Variants in ADCY8 observed in about 807,000 individuals in gnomAD.
ADCY8 encodes adenylate cyclase 8.
In ADCY8, 51 loss-of-function variants were observed where a neutral mutation model predicts 119.7. The ratio of observed to expected loss-of-function variants is 0.43; its 90% CI spans 0.34 to 0.54. The LOEUF is 0.54. Ranked by LOEUF, ADCY8 falls within the 20% of genes least tolerant of loss-of-function variation. The pLI, the probability that ADCY8 is intolerant of heterozygous loss-of-function variation, is 0.03. For synonymous variants in ADCY8, 665 were observed against 651.0 expected (o/e 1.02, Z -0.33); for missense variants, 1,383 against 1,598.8 (o/e 0.87, Z 2.30).
intron 5 of ADCY8, among the ~76,000 whole-genome samples, chr8:130,931,226 G>T (rs538539425): frequency 2.1e-4 from 32 of 152,132 alleles, no homozygotes; most frequent in Non-Finnish European, 4.3e-4. Context: ...TGTCTGGCAG[G>T]TTTCTCATTT....
At chr8:130,948,129 C>A (rs1409661176) in intron 3 of ADCY8, among the ~76,000 whole-genome samples, 1 of 152,172 alleles carries the variant, frequency 6.6e-6, no homozygotes, top group Non-Finnish European at 1.5e-5. Flanking sequence ...AGCCTTTGTT[C>A]CTGAATCACC....
At chr8:130,871,615 T>C (rs1239990494) in intron 8 of ADCY8, among the ~76,000 whole-genome samples, 1 of 152,228 alleles carries the variant, frequency 6.6e-6, no homozygotes, top group Admixed American at 6.5e-5. Flanking sequence ...TATGTGAAGC[T>C]TGCCTTTTCA....
At chr8:131,017,912 T>A (rs1317299259) in intron 1 of ADCY8, among the ~76,000 whole-genome samples, 1 of 152,210 alleles carries the variant, frequency 6.6e-6, no homozygotes, top group African/African-American at 2.4e-5. Context: ...GGACCCTTGT[T>A]TCCTTATCTG....
At chr8:130,788,639 T>C (rs1437986281) in intron 15 of ADCY8, among the ~76,000 whole-genome samples, 1 of 152,226 alleles carries the variant, frequency 6.6e-6, no homozygotes, top group Non-Finnish European at 1.5e-5. Flanking sequence ...TTAAATTTTC[T>C]TATCACAAAT....
chr8:130,962,897 T>G (rs1166553940), intron 2 of ADCY8, among the ~76,000 whole-genome samples: 1 of 152,226 alleles, frequency 6.6e-6, no homozygotes, highest in Admixed American at 6.5e-5. Flanking sequence ...AAAAAATATC[T>G]TATTGTTGTT....
chr8:130,859,233 C>G (rs988357168), intron 9 of ADCY8, among the ~76,000 whole-genome samples: 1 of 152,172 alleles, frequency 6.6e-6, no homozygotes, highest in African/African-American at 2.4e-5. Flanking sequence ...CCATCTCTAT[C>G]TATATTAAGC....
chr8:130,975,720 TG>T (rs1822051211), intron 2 of ADCY8, among the ~76,000 whole-genome samples: 1 of 152,236 alleles, frequency 6.6e-6, no homozygotes, highest in South Asian at 2.1e-4. Context: ...GATGCAAAGC[TG>T]GTGTTCCAAA....
intron 8 of ADCY8, among the ~76,000 whole-genome samples, chr8:130,872,949 T>G (rs1405616222): frequency 6.6e-6 from 1 of 152,232 alleles, no homozygotes; most frequent in Non-Finnish European, 1.5e-5. Context: ...TTGAAAGACA[T>G]ATTCAGAAAT....
At chr8:130,974,974 C>T (rs774673135) in intron 2 of ADCY8, among the ~76,000 whole-genome samples, 1 of 152,146 alleles carries the variant, frequency 6.6e-6, no homozygotes, top group Non-Finnish European at 1.5e-5. Flanking sequence ...CTGGAGCTAA[C>T]AGCAGTGGCA....
At chr8:130,932,245 G>C (rs539198840) in intron 5 of ADCY8, among the ~76,000 whole-genome samples, 2 of 152,296 alleles carry the variant, frequency 1.3e-5, no homozygotes, top group East Asian at 3.9e-4. Context: ...ATTGCTAAGG[G>C]ATGTCCAGAG....
chr8:130,927,098 T>G (rs1218502481), intron 5 of ADCY8, among the ~76,000 whole-genome samples: 1 of 152,190 alleles, frequency 6.6e-6, no homozygotes, highest in Admixed American at 6.5e-5. Flanking sequence ...TTCATTTCCT[T>G]TGCATAACTA....
At chr8:130,924,129 C>T (rs1306544617) in intron 5 of ADCY8, among the ~76,000 whole-genome samples, 1 of 152,190 alleles carries the variant, frequency 6.6e-6, no homozygotes, top group Non-Finnish European at 1.5e-5. Flanking sequence ...GCTTTGAAGT[C>T]AGATGATTCC....
chr8:130,795,670 T>C (rs1815558495), intron 15 of ADCY8, among the ~76,000 whole-genome samples: 1 of 152,188 alleles, frequency 6.6e-6, no homozygotes, highest in Admixed American at 6.5e-5. Flanking sequence ...ACAGACTCTC[T>C]TGTTTCAGGC....
intron 5 of ADCY8, 132 bp from the exon 6 acceptor site, chr8:130,909,998 A>G (rs1586562106): frequency 1.3e-6 from 1 of 785,912 alleles, no homozygotes. Flanking sequence ...AGTGCAATGG[A>G]GCTGCAACCT....
rs539683409 is a variant in ADCY8, at chr8:130,908,137, C to T, written c.1640+1571G>A. Among the ~76,000 whole-genome samples the T allele has an allele frequency of 1.2e-3, 189 of 152,292 alleles. 1 individual carries two copies. Among genetic ancestry groups the T allele is most frequent in the Middle Eastern group, 3.4e-3 (1 of 294 alleles). On this transcript the variant is annotated intron_variant, in intron 6 of 17. Coordinates refer to ENST00000286355, the MANE Select transcript of ADCY8 (RefSeq NM_001115.3). ...TGCTGATTTAAACTTGGTCACTCTT[C>T]TGTTTCTTAATGTTATTGAGAACAA...
At chr8:131,004,861 A>G (rs1043679559) in intron 1 of ADCY8, among the ~76,000 whole-genome samples, 4 of 152,120 alleles carry the variant, frequency 2.6e-5, no homozygotes, top group African/African-American at 9.7e-5. Flanking sequence ...GTTGAAGGGA[A>G]GTGCACTTCT....
At chr8:130,880,419 A>G (rs1479355257) in intron 8 of ADCY8, among the ~76,000 whole-genome samples, 1 of 152,198 alleles carries the variant, frequency 6.6e-6, no homozygotes, top group Admixed American at 6.5e-5. Flanking sequence ...GAAATATTCA[A>G]TAAGGAAATA....
chr8:130,815,052 C>T (rs1328867095), intron 13 of ADCY8, among the ~76,000 whole-genome samples: 1 of 152,042 alleles, frequency 6.6e-6, no homozygotes, highest in Non-Finnish European at 1.5e-5. Context: ...CTGGTGTATC[C>T]CTCAGGATGA....
At chr8:130,985,374 A>G (rs1822371680) in intron 2 of ADCY8, among the ~76,000 whole-genome samples, 1 of 152,192 alleles carries the variant, frequency 6.6e-6, no homozygotes, top group African/African-American at 2.4e-5. Context: ...CAAAGGCATG[A>G]GTGTAGAGGG....
Sources: gnomAD v4.1 joint callset for allele counts (sites outside exome capture counted in the v4.1 genomes callset) on GRCh38, gnomAD v4.1.1 for gene constraint, MANE v1.5 for transcripts, NCBI Gene and HGNC (gene_info 2026-07-23, HGNC 2026-07-21) for gene names.